RMND1: variants seen among roughly 807,000 people sequenced by gnomAD.
The protein encoded by RMND1 is required for meiotic nuclear division protein 1 homolog.
A neutral mutation model predicts 54.0 loss-of-function variants in RMND1; 41 were observed. That is an observed-to-expected ratio of 0.76 (90% CI 0.59 to 0.98). RMND1 has a LOEUF of 0.98. Ranked by LOEUF, RMND1 falls within the 50% of genes least tolerant of loss-of-function variation. RMND1 has a pLI of 0.00. For synonymous variants in RMND1, 183 were observed against 181.7 expected, an observed-to-expected ratio of 1.01 and a Z score of -0.06; for missense variants, 457 against 532.0, an observed-to-expected ratio of 0.86 and a Z score of 1.39.
At chr6:151,425,041 C>A (rs1001293684) in intron 6 of RMND1, among the ~76,000 whole-genome samples, 1 of 152,094 alleles carries the variant, frequency 6.6e-6, no homozygotes, top group Non-Finnish European at 1.5e-5. Flanking sequence ...CTCCTGGGTT[C>A]CAGCGATTCT....
rs58457871 is a variant in RMND1 at position 151,451,198 on chromosome 6, TAAAAAA to T, written c.-15+812_-15+817del. On this transcript the variant is annotated intron_variant, in intron 1 of 11. Coordinates refer to ENST00000444024, the MANE Select transcript of RMND1 (RefSeq NM_017909.4). ...GCGAGAAACACCCAAGAATGATCAA[TAAAAAA>T]AAAAAAAAAAAAAAACACAACCAGC... Among the ~76,000 whole-genome samples, 28 of 113,364 alleles carry T rather than the reference TAAAAAA, an allele frequency of 2.5e-4. 1 individual carries two copies. In the East Asian group the frequency reaches 6.4e-3, roughly 26 times the overall value. 74.4% of individuals were successfully genotyped at this position (113,364 alleles called of 152,430 possible).
intron 2 of RMND1, among the ~76,000 whole-genome samples, chr6:151,440,963 G>GT (rs1199775958): frequency 6.6e-6 from 1 of 150,872 alleles, no homozygotes; most frequent in African/African-American, 2.4e-5. Context: ...TTTCAGGATG[G>GT]GGATCTACAC....
chr6:151,433,939 A>ACCCCCCCCCCCCC (rs143471784), intron 3 of RMND1, among the ~76,000 whole-genome samples: 2 of 86,176 alleles, frequency 2.3e-5, no homozygotes, highest in South Asian at 4.4e-4. Context: ...AACTCAAGGG[A>ACCCCCCCCCCCCC]CCCCCCCCCG....
At chr6:151,444,924 T>A (rs1780907088) in intron 2 of RMND1, 1 of 165,230 alleles carries the variant, frequency 6.1e-6, no homozygotes, top group African/African-American at 2.4e-5. Context: ...AAGGCTTATC[T>A]GTCTGCAGAG....
At chr6:151,437,857 A>G (rs766718211) in intron 2 of RMND1, among the ~76,000 whole-genome samples, 1 of 152,196 alleles carries the variant, frequency 6.6e-6, no homozygotes, top group Non-Finnish European at 1.5e-5. Context: ...AATAACAGAG[A>G]ACCTGAGGAT....
intron 3 of RMND1, 108 bp from the exon 4 acceptor site, chr6:151,433,338 C>T (rs1780499123): frequency 1.6e-6 from 1 of 621,862 alleles, no homozygotes; most frequent in Non-Finnish European, 2.8e-6. Flanking sequence ...CTTTATATAC[C>T]ATGGAGTGCT....
chr6:151,430,242 T>TA (rs1780415476), intron 4 of RMND1, 65 bp from the exon 5 acceptor site: 1 of 1,121,940 alleles, frequency 8.9e-7, no homozygotes, highest in Non-Finnish European at 1.3e-6. Flanking sequence ...GGGTCGTATA[T>TA]AAAACCATGT....
intron 6 of RMND1, among the ~76,000 whole-genome samples, chr6:151,426,044 A>G (rs941013855): frequency 1.3e-5 from 2 of 150,670 alleles, no homozygotes; most frequent in Non-Finnish European, 3.0e-5. Flanking sequence ...CCCAGGTTCA[A>G]GCAATTCTCT....
chr6:151,413,272 G>C (rs1023205818), intron 10 of RMND1, among the ~76,000 whole-genome samples: 1 of 152,032 alleles, frequency 6.6e-6, no homozygotes, highest in Non-Finnish European at 1.5e-5. Context: ...TTTATTTTTT[G>C]AGACAGTCTC....
At chr6:151,446,061 T>C (rs1045293192) in intron 1 of RMND1, 35 of 415,990 alleles carry the variant, frequency 8.4e-5, no homozygotes, top group Middle Eastern at 1.4e-3. Flanking sequence ...GCTACTGACA[T>C]AACAAGAACC....
chr6:151,445,988 G>A, intron 1 of RMND1, 163 bp from the exon 2 acceptor site: 1 of 644,014 alleles, frequency 1.6e-6, no homozygotes, highest in Admixed American at 3.3e-5. Context: ...TAAGTACAGT[G>A]TTTCTGCCAC....
At chr6:151,407,371 T>C (rs1435321226) in intron 10 of RMND1, among the ~76,000 whole-genome samples, 1 of 152,162 alleles carries the variant, frequency 6.6e-6, no homozygotes, top group Non-Finnish European at 1.5e-5. Context: ...TCTTGGTCTT[T>C]AATGTTCATC....
chr6:151,429,092 T>C (rs1395863276), intron 5 of RMND1, among the ~76,000 whole-genome samples: 2 of 152,018 alleles, frequency 1.3e-5, no homozygotes, highest in Non-Finnish European at 2.9e-5. Context: ...TAACCAGTTC[T>C]GAGATTATAT....
chr6:151,405,253 C>T lies in RMND1; in HGVS notation c.1332G>A (p.Leu444=), dbSNP rs773467095. 5 of 1,612,728 alleles carry T rather than the reference C, an allele frequency of 3.1e-6. No individual in the cohort carries two copies. The African/African-American group carries it at 6.7e-5, about 22-fold the overall frequency. Residue 444 remains leucine, a synonymous_variant, in exon 12 of 12, where the codon CTG becomes CTA. Coordinates refer to ENST00000444024, the MANE Select transcript of RMND1 (RefSeq NM_017909.4). Reference sequence around the variant, plus strand: ...CACTTGATCAGAAAAATACTCGTCCCAGCTCAAACATTACCTTAGAATAGA... The same window carrying T: ...CACTTGATCAGAAAAATACTCGTCCTAGCTCAAACATTACCTTAGAATAGA... The part of the protein sequence containing the change: ...ILITIEVMFE[L]GRVFF
At chr6:151,440,825 C>CT (rs996467350) in intron 2 of RMND1, among the ~76,000 whole-genome samples, 1 of 151,908 alleles carries the variant, frequency 6.6e-6, no homozygotes. Context: ...GTCTTGTCTG[C>CT]TTTTTTTTCT....
Position 151,405,757 on chromosome 6 carries a change from C to T in RMND1, c.1280G>A (p.Arg427His), listed in dbSNP as rs1361528568. ...GAGGATGACAATCATCCACTCCAAG[C>T]GGAGTGCCCTCTTCTCATTCAGGTG... ...RNHLNEKRALRLEWMIVILIT... is the reference protein window; with the variant it reads ...RNHLNEKRALHLEWMIVILIT... The change falls in exon 11 of 12, where the codon CGC becomes CAC. Residue 427 changes from arginine (R) to histidine (H), a missense_variant. Transcript: ENST00000444024. 1.0e-5 allele frequency: 16 copies of T among 1,602,726 alleles called. No individual in the cohort carries two copies. Among genetic ancestry groups the T allele is most frequent in the East Asian group, 4.5e-5 (2 of 44,816 alleles).
chr6:151,450,615 C>T (rs1245505894), intron 1 of RMND1, among the ~76,000 whole-genome samples: 4 of 134,890 alleles, frequency 3.0e-5, no homozygotes, highest in African/African-American at 8.3e-5. Flanking sequence ...CCGCCCCGTC[C>T]GGGAGGTGAG....
At chr6:151,440,198 C>T (rs1251963415) in intron 2 of RMND1, among the ~76,000 whole-genome samples, 1 of 152,246 alleles carries the variant, frequency 6.6e-6, no homozygotes, top group Admixed American at 6.5e-5. Flanking sequence ...CTCTGGTAAT[C>T]TGCCCACCTC....
chr6:151,447,741 A>G (rs1016292481), intron 1 of RMND1, among the ~76,000 whole-genome samples: 1 of 147,006 alleles, frequency 6.8e-6, no homozygotes, highest in Non-Finnish European at 1.5e-5. Flanking sequence ...CTTAATTTTG[A>G]AGAAACTATA....
Sources: allele counts gnomAD v4.1 joint callset (sites outside exome capture counted in the v4.1 genomes callset), GRCh38; gene constraint gnomAD v4.1.1; transcripts MANE v1.5; gene names NCBI Gene and HGNC (gene_info 2026-07-23, HGNC 2026-07-21).